Variants in PARVB observed in about 807,000 individuals in gnomAD.
PARVB encodes beta-parvin.
Under a neutral mutation model 47.0 loss-of-function variants are expected in PARVB, and 46 were observed. The observed-to-expected ratio is 0.98, with a 90% CI of 0.77 to 1.25. PARVB has a LOEUF of 1.25. Among genes scored for constraint, PARVB ranks in the 50% most tolerant of loss-of-function variants. The pLI is 0.00. For synonymous variants in PARVB, 196 were observed against 196.3 expected (o/e 1.00, Z 0.01); for missense variants, 473 against 471.6 (o/e 1.00, Z -0.03).
intron 1 of PARVB, among the ~76,000 whole-genome samples, chr22:44,093,500 G>C (rs2052222787): frequency 6.6e-6 from 1 of 152,200 alleles, no homozygotes; most frequent in African/African-American, 2.4e-5. Context: ...ATGACCGGAG[G>C]GGGTTAGCAT....
chr22:44,124,116 A>G lies in PARVB; in HGVS notation c.376+4976A>G, dbSNP rs577026522. 2.6e-5 allele frequency among the ~76,000 whole-genome samples: 4 copies of G among 152,332 alleles called. No homozygotes were observed. In the South Asian group the frequency reaches 8.3e-4, roughly 32 times the overall value. The stretch of plus-strand genomic sequence containing the variant: ...AAGAATTCCTGCAGTTTCATTACCT[A>G]TGAAGATTGTGGGGTCCTCTTGTGG... On this transcript the variant is annotated intron_variant, in intron 4 of 12. Coordinates refer to ENST00000338758, the MANE Select transcript of PARVB (RefSeq NM_013327.5).
intron 5 of PARVB, 44 bp from the exon 6 acceptor site, chr22:44,132,850 T>C (rs753622122): frequency 7.4e-7 from 1 of 1,353,172 alleles, no homozygotes; most frequent in East Asian, 2.3e-5. Flanking sequence ...CAGGTTCCTG[T>C]GTAACCTGAT....
At chr22:44,097,270 C>T (rs1209369548) in intron 2 of PARVB, among the ~76,000 whole-genome samples, 1 of 152,222 alleles carries the variant, frequency 6.6e-6, no homozygotes, top group African/African-American at 2.4e-5. Flanking sequence ...AGTGAGGGTT[C>T]CTGGCCACCC....
intron 12 of PARVB, 41 bp downstream of exon 12, chr22:44,163,971 C>A (rs115441810): frequency 2.0e-6 from 3 of 1,501,262 alleles, no homozygotes; most frequent in Non-Finnish European, 2.8e-6. Flanking sequence ...GAGGTGCGCA[C>A]GGAGGGGAAG....
intron 1 of PARVB, among the ~76,000 whole-genome samples, chr22:44,085,919 G>T (rs766596815): frequency 6.6e-6 from 1 of 152,184 alleles, no homozygotes; most frequent in Non-Finnish European, 1.5e-5. Flanking sequence ...TGGAGTCTGC[G>T]CCACCTGTTG....
At position 44,072,224 on chromosome 22, in the gene PARVB, A is replaced by T. The variant is rs537964205; in HGVS notation, c.113-21704A>T. On this transcript the variant is annotated intron_variant, in intron 1 of 12. Coordinates refer to ENST00000338758, the MANE Select transcript of PARVB (RefSeq NM_013327.5). Reference sequence around the variant, plus strand: ...CCTACCCTGTCCCCCTTTCCGGGCTATTGGGAGGCTGAGCGAGCTCATCAT... The same window carrying T: ...CCTACCCTGTCCCCCTTTCCGGGCTTTTGGGAGGCTGAGCGAGCTCATCAT... 5.3e-5 allele frequency among the ~76,000 whole-genome samples: 8 copies of T among 152,116 alleles called. No homozygotes were observed. The South Asian group carries it at 1.7e-3, about 32-fold the overall frequency.
At chr22:44,092,276 A>G (rs2052187651) in intron 1 of PARVB, among the ~76,000 whole-genome samples, 1 of 151,568 alleles carries the variant, frequency 6.6e-6, no homozygotes, top group South Asian at 2.1e-4. Context: ...ACGCCCAGCT[A>G]ATTTTTGTAT....
intron 6 of PARVB, among the ~76,000 whole-genome samples, chr22:44,133,348 C>T (rs766650238): frequency 6.6e-6 from 1 of 152,136 alleles, no homozygotes; most frequent in East Asian, 1.9e-4. Context: ...GTTGGCCCCG[C>T]GGGATGAAAC....
At chr22:44,065,985 T>A (rs2051515628) in intron 1 of PARVB, among the ~76,000 whole-genome samples, 2 of 152,152 alleles carry the variant, frequency 1.3e-5, no homozygotes. Flanking sequence ...TGAAGTATGT[T>A]TTTTGTCTGA....
intron 4 of PARVB, among the ~76,000 whole-genome samples, chr22:44,130,375 C>T (rs534336708): frequency 3.9e-5 from 6 of 152,200 alleles, no homozygotes; most frequent in Admixed American, 2.6e-4. Context: ...CTGCAGCGGG[C>T]GTGGGGTGGG....
At chr22:44,139,347 C>G (rs1030914336) in intron 7 of PARVB, 6 of 152,654 alleles carry the variant, frequency 3.9e-5, no homozygotes, top group African/African-American at 1.2e-4. Flanking sequence ...GGGACTAGAG[C>G]GCACGCCATG....
intron 2 of PARVB, among the ~76,000 whole-genome samples, chr22:44,015,511 T>C (rs1213876053): frequency 6.6e-6 from 1 of 152,130 alleles, no homozygotes; most frequent in African/African-American, 2.4e-5. Flanking sequence ...AGACAGAGAA[T>C]CCATCTACAT....
intron 1 of PARVB, among the ~76,000 whole-genome samples, chr22:44,044,303 G>T (rs960809208): frequency 6.7e-6 from 1 of 149,436 alleles, no homozygotes; most frequent in Non-Finnish European, 1.5e-5. Flanking sequence ...CCATTCTTCT[G>T]CCTCAGCCTC....
At chr22:44,065,721 G>A (rs1235151544) in intron 1 of PARVB, among the ~76,000 whole-genome samples, 1 of 152,134 alleles carries the variant, frequency 6.6e-6, no homozygotes, top group Non-Finnish European at 1.5e-5. Flanking sequence ...GAGAACATAC[G>A]ATGTTTGGTT....
At chr22:44,063,968 C>G (rs908858397) in intron 1 of PARVB, among the ~76,000 whole-genome samples, 1 of 152,200 alleles carries the variant, frequency 6.6e-6, no homozygotes, top group Non-Finnish European at 1.5e-5. Flanking sequence ...GGGTGCGGTG[C>G]GGCCTTTGAT....
chr22:44,134,622 C>T (rs993948056), intron 6 of PARVB, among the ~76,000 whole-genome samples: 2 of 152,156 alleles, frequency 1.3e-5, no homozygotes, highest in Admixed American at 6.5e-5. Context: ...GAACCGGGCG[C>T]AGTTACTCCC....
intron 6 of PARVB, among the ~76,000 whole-genome samples, chr22:44,133,632 G>C (rs903147798): frequency 2.6e-5 from 4 of 152,136 alleles, no homozygotes; most frequent in Non-Finnish European, 5.9e-5. Context: ...TCAACCTCTT[G>C]GGCTCAAGCG....
At chr22:44,083,102 A>C (rs908462154) in intron 1 of PARVB, among the ~76,000 whole-genome samples, 6 of 152,154 alleles carry the variant, frequency 3.9e-5, no homozygotes, top group African/African-American at 1.4e-4. Flanking sequence ...CTACGTGGCC[A>C]CATCAGGGTA....
chr22:44,030,106 C>G (rs1202929762), intron 1 of PARVB, among the ~76,000 whole-genome samples: 1 of 152,104 alleles, frequency 6.6e-6, no homozygotes, highest in Non-Finnish European at 1.5e-5. Flanking sequence ...GATGGGTTGC[C>G]CCAAAACACT....
Sources: gnomAD v4.1 joint callset for allele counts (sites outside exome capture counted in the v4.1 genomes callset) on GRCh38, gnomAD v4.1.1 for gene constraint, MANE v1.5 for transcripts, NCBI Gene and HGNC (gene_info 2026-07-23, HGNC 2026-07-21) for gene names.